Variants in ERAP1 observed in about 807,000 individuals in gnomAD.
ERAP1 encodes adipocyte-derived leucine aminopeptidase.
ERAP1 carries 86 observed loss-of-function variants against 103.7 expected under a neutral mutation model. The ratio of observed to expected loss-of-function variants is 0.83; its 90% CI spans 0.70 to 0.99. The LOEUF (loss-of-function observed/expected upper bound fraction) is 0.99, where lower values mean the gene tolerates loss of function less well. Among genes scored for constraint, ERAP1 ranks in the 50% least tolerant of loss-of-function variants. The pLI, the probability that ERAP1 is intolerant of heterozygous loss-of-function variation, is 0.00. For synonymous variants in ERAP1, 398 were observed against 402.4 expected, an observed-to-expected ratio of 0.99 and a Z score of 0.13; for missense variants, 1,009 against 1,128.4, an observed-to-expected ratio of 0.89 and a Z score of 1.52.
chr5:96,873,185 T>A, the ERAP1 span: 41 of 365,928 alleles, frequency 1.1e-4, 1 homozygote, highest in Non-Finnish European at 1.9e-4. Context: ...TGAGACTTTG[T>A]CAAAAAAAAA....
the ERAP1 span, chr5:96,886,738 C>T: frequency 1.9e-6 from 3 of 1,538,660 alleles, no homozygotes; most frequent in Non-Finnish European, 2.7e-6. Context: ...TTGTAGCCTA[C>T]ATAGTTTGTG....
chr5:96,822,687 G>T, the ERAP1 span, among the ~76,000 whole-genome samples: 96 of 73,652 alleles, frequency 1.3e-3, 1 homozygote, highest in African/African-American at 5.2e-3. Context: ...ATCAGCCTTG[G>T]TAACATAGCA....
At chr5:96,761,209 G>A (rs1030098497) in exon 20 of ERAP1, 5 of 152,090 alleles carry the variant, frequency 3.3e-5, no homozygotes, top group Non-Finnish European at 7.4e-5. Context: ...AGTATTAAAA[G>A]GCTTAAATAA....
At chr5:96,844,619 T>G in the ERAP1 span, among the ~76,000 whole-genome samples, 1 of 152,226 alleles carries the variant, frequency 6.6e-6, no homozygotes, top group East Asian at 1.9e-4. Context: ...GAACGTATTT[T>G]AGAAGGCAGG....
the ERAP1 span, among the ~76,000 whole-genome samples, chr5:96,836,330 T>C: frequency 2.6e-5 from 4 of 152,040 alleles, no homozygotes; most frequent in African/African-American, 4.8e-5. Context: ...GCCTCCCAAG[T>C]AGCTGGGACT....
intron 18 of ERAP1, 143 bp downstream of exon 18, chr5:96,780,280 C>T: frequency 1.7e-6 from 1 of 588,002 alleles, no homozygotes; most frequent in African/African-American, 1.9e-5. Flanking sequence ...ATGCTGCTGT[C>T]AACACCATAG....
At position 96,765,225 on chromosome 5, in the gene ERAP1, G is replaced by A. The variant is rs149919102; in HGVS notation, c.2819-1997C>T. ...TCAGCATTATTTACTTTTCAGCAGA[G>A]TGACAAAGACCTCGATGATGCCTTG... On this transcript the variant is annotated intron_variant, in intron 19 of 19. Coordinates refer to the ERAP1 transcript ENST00000296754. 194 of 1,586,524 alleles carry A rather than the reference G, an allele frequency of 1.2e-4. 1 individual carries two copies. The East Asian group carries it at 3.8e-3, about 31-fold the overall frequency.
At chr5:96,914,412 C>T in the ERAP1 span, among the ~76,000 whole-genome samples, 2 of 152,156 alleles carry the variant, frequency 1.3e-5, no homozygotes, top group African/African-American at 4.8e-5. Flanking sequence ...CTCCCAAATG[C>T]TCAAGGAGTT....
Position 96,792,084 on chromosome 5 carries a change from A to G in ERAP1, c.1297T>C (p.Phe433Leu), listed in dbSNP as rs1381594233. 1 of 1,614,100 alleles carries G rather than the reference A, an allele frequency of 6.2e-7. No homozygotes were observed. The highest frequency in any genetic ancestry group is 1.7e-5 in the Admixed American group (1 of 60,030). ...VENPAQIREMFDDVSYDKGAC... is the reference protein window; with the variant it reads ...VENPAQIREMLDDVSYDKGAC... ...ACCTTATCATAAGAAACATCATCAA[A>G]CATCTCCCGGATCTGAGCAGGATTT... Residue 433 changes from phenylalanine (F) to leucine (L), a missense_variant, in exon 8 of 19, where the codon TTT becomes CTT. Phe to Leu is a conservative substitution (Grantham distance 22). This residue lies in a region of ERAP1 where 611 missense variants were observed against 651.7 expected (regional missense o/e 0.94). Coordinates refer to ENST00000443439, the MANE Select transcript of ERAP1 (RefSeq NM_001040458.3).
chr5:96,904,982 G>A, the ERAP1 span, among the ~76,000 whole-genome samples: 4 of 151,542 alleles, frequency 2.6e-5, no homozygotes, highest in Non-Finnish European at 5.9e-5. Context: ...GACAAGTTTT[G>A]TTTTTTTAAC....
the ERAP1 span, among the ~76,000 whole-genome samples, chr5:96,826,291 C>T: frequency 5.3e-5 from 8 of 152,320 alleles, no homozygotes; most frequent in East Asian, 1.9e-4. Context: ...CCACTGTCCC[C>T]GTTCCCTCAA....
At chr5:96,790,258 A>C (rs746456439) in intron 10 of ERAP1, 38 bp downstream of exon 10, 1 of 1,590,672 alleles carries the variant, frequency 6.3e-7, no homozygotes. Context: ...CAGTAAAAGA[A>C]TGTGCTTGGG....
intron 19 of ERAP1, chr5:96,768,087 C>CT: frequency 1.1e-6 from 1 of 890,954 alleles, no homozygotes; most frequent in African/African-American, 1.7e-5. Flanking sequence ...ATTGATCTAT[C>CT]TATCGGTCTG....
chr5:96,771,784 A>C (rs1253425467), downstream of ERAP1: 14 of 792,274 alleles, frequency 1.8e-5, no homozygotes, highest in Non-Finnish European at 3.0e-5. Context: ...AGTGAAGTCC[A>C]CCTCTTGAGT....
chr5:96,862,880 CT>C, the ERAP1 span, among the ~76,000 whole-genome samples: 2 of 152,144 alleles, frequency 1.3e-5, no homozygotes, highest in African/African-American at 4.8e-5. Flanking sequence ...TCATTTTGAC[CT>C]TTCCTGTCCC....
At chr5:96,790,152 G>A (rs763643061) in intron 10 of ERAP1, 144 bp downstream of exon 10, 14 of 758,398 alleles carry the variant, frequency 1.8e-5, no homozygotes, top group Non-Finnish European at 2.7e-5. Flanking sequence ...AAGATTATGA[G>A]TATGGAATAG....
At chr5:96,789,456 C>T (rs146341958) in intron 10 of ERAP1, among the ~76,000 whole-genome samples, 13,921 of 150,956 alleles carry the variant, frequency 0.092, 846 homozygotes, top group Middle Eastern at 0.16. Context: ...CACTGCACTC[C>T]AGCCTGGGCA....
At chr5:96,853,786 A>G in the ERAP1 span, among the ~76,000 whole-genome samples, 1 of 151,374 alleles carries the variant, frequency 6.6e-6, no homozygotes, top group Non-Finnish European at 1.5e-5. Context: ...GTGAGCGAGT[A>G]CCTAAGGTAG....
intron 7 of ERAP1, 23 bp downstream of exon 7, chr5:96,793,377 G>A (rs760008022): frequency 1.0e-5 from 15 of 1,503,972 alleles, no homozygotes; most frequent in Middle Eastern, 1.7e-4. Flanking sequence ...AACCTCAAAT[G>A]TGAAGGATAA....
Sources: gnomAD v4.1 joint callset for allele counts (sites outside exome capture counted in the v4.1 genomes callset) on GRCh38, gnomAD v4.1.1 for gene constraint, gnomAD v4.1.1 regional missense constraint, MANE v1.5 for transcripts, NCBI Gene and HGNC (gene_info 2026-07-23, HGNC 2026-07-21) for gene names.